Variants in TMEM217B observed in about 807,000 individuals in gnomAD.
TMEM217B encodes putative transmembrane protein 217B.
At chr6:37,238,983 A>G in the TMEM217B span, among the ~76,000 whole-genome samples, 5 of 152,114 alleles carry the variant, frequency 3.3e-5, no homozygotes, top group African/African-American at 1.2e-4. Flanking sequence ...TACAAAAATT[A>G]GCCAGGCATG....
chr6:37,217,934 A>G, the TMEM217B span: 59 of 986,294 alleles, frequency 6.0e-5, no homozygotes, highest in Middle Eastern at 5.2e-4. Flanking sequence ...GATAAATCAC[A>G]ATATCCTTTA....
At chr6:37,254,670 C>A in the TMEM217B span, among the ~76,000 whole-genome samples, 1 of 152,180 alleles carries the variant, frequency 6.6e-6, no homozygotes, top group Non-Finnish European at 1.5e-5. Context: ...TATTTATATT[C>A]TTCCTTCTTT....
the TMEM217B span, among the ~76,000 whole-genome samples, chr6:37,220,808 C>A: frequency 6.6e-6 from 1 of 152,158 alleles, no homozygotes; most frequent in Admixed American, 6.5e-5. Flanking sequence ...TGAGAACAAG[C>A]TGAAACAACA....
chr6:37,220,864 A>C, the TMEM217B span, among the ~76,000 whole-genome samples: 25 of 152,110 alleles, frequency 1.6e-4, no homozygotes, highest in Non-Finnish European at 3.1e-4. Flanking sequence ...AACAACTATG[A>C]TTACTATATT....
chr6:37,245,394 G>A, the TMEM217B span, among the ~76,000 whole-genome samples: 4 of 152,218 alleles, frequency 2.6e-5, no homozygotes, highest in African/African-American at 9.6e-5. Context: ...TGCTGGCATT[G>A]CCCATTAGTG....
At chr6:37,219,061 G>A in the TMEM217B span, 2 of 1,590,726 alleles carry the variant, frequency 1.3e-6, no homozygotes, top group East Asian at 4.5e-5. Context: ...CAAACAACAT[G>A]AGGGAGAATT....
At chr6:37,217,833 A>T in the TMEM217B span, 1 of 985,372 alleles carries the variant, frequency 1.0e-6, no homozygotes, top group Non-Finnish European at 1.2e-6. Flanking sequence ...AGATGCCAAG[A>T]AAAAAGGATT....
chr6:37,215,498 G>C, the TMEM217B span, among the ~76,000 whole-genome samples: 1 of 137,938 alleles, frequency 7.2e-6, no homozygotes, highest in African/African-American at 2.7e-5. Context: ...CAGGACCCGG[G>C]AGGTAGAGGT....
the TMEM217B span, among the ~76,000 whole-genome samples, chr6:37,225,238 T>C: frequency 6.6e-6 from 1 of 151,774 alleles, no homozygotes; most frequent in Non-Finnish European, 1.5e-5. Context: ...AAGAGGATAA[T>C]AGATACAATA....
the TMEM217B span, among the ~76,000 whole-genome samples, chr6:37,233,917 A>AT: frequency 6.6e-6 from 1 of 152,136 alleles, no homozygotes; most frequent in East Asian, 1.9e-4. Context: ...AGCCATTCTG[A>AT]TTTTCACTTT....
chr6:37,236,835 C>T, the TMEM217B span, among the ~76,000 whole-genome samples: 4 of 152,146 alleles, frequency 2.6e-5, no homozygotes, highest in Non-Finnish European at 5.9e-5. Context: ...TCCAGGATGA[C>T]TTGCTACTTC....
At chr6:37,213,348 G>A in the TMEM217B span, among the ~76,000 whole-genome samples, 58 of 152,328 alleles carry the variant, frequency 3.8e-4, no homozygotes, top group Middle Eastern at 3.4e-3. Flanking sequence ...TGGTATGAAC[G>A]AAGCTCCCAT....
chr6:37,241,718 T>A, the TMEM217B span, among the ~76,000 whole-genome samples: 1 of 152,228 alleles, frequency 6.6e-6, no homozygotes, highest in Non-Finnish European at 1.5e-5. Context: ...TTAATTAGAT[T>A]TTTAAAATAC....
the TMEM217B span, among the ~76,000 whole-genome samples, chr6:37,228,430 G>T: frequency 1.3e-5 from 2 of 152,236 alleles, no homozygotes; most frequent in East Asian, 3.8e-4. Flanking sequence ...AAGGCCAGGC[G>T]TGATGGCTCA....
chr6:37,252,105 C>A, the TMEM217B span, among the ~76,000 whole-genome samples: 1 of 152,184 alleles, frequency 6.6e-6, no homozygotes, highest in East Asian at 1.9e-4. Flanking sequence ...GTTGGTCAGG[C>A]CGGTCTCGAA....
the TMEM217B span, among the ~76,000 whole-genome samples, chr6:37,229,039 A>G: frequency 3.9e-4 from 59 of 152,144 alleles, no homozygotes; most frequent in African/African-American, 1.3e-3. Flanking sequence ...AATAATAATA[A>G]CGAACATTTA....
chr6:37,222,589 A>C, the TMEM217B span, among the ~76,000 whole-genome samples: 1 of 152,224 alleles, frequency 6.6e-6, no homozygotes, highest in East Asian at 1.9e-4. Context: ...CCAGGTCTGC[A>C]GCCGTGGGTC....
chr6:37,247,334 G>C, the TMEM217B span, among the ~76,000 whole-genome samples: 4 of 151,908 alleles, frequency 2.6e-5, 1 homozygote, highest in Admixed American at 2.6e-4. Flanking sequence ...AGTGGGGAAA[G>C]AGGTAGAAGT....
the TMEM217B span, among the ~76,000 whole-genome samples, chr6:37,232,578 A>G: frequency 4.7e-5 from 4 of 84,938 alleles, no homozygotes; most frequent in Non-Finnish European, 1.0e-4. Context: ...GGGAAATCCT[A>G]CTACCCTTCT....
Sources: allele counts gnomAD v4.1 joint callset (sites outside exome capture counted in the v4.1 genomes callset), GRCh38; gene constraint gnomAD v4.1.1; transcripts MANE v1.5; gene names NCBI Gene and HGNC (gene_info 2026-07-23, HGNC 2026-07-21).